Variants in PDE9A observed in about 807,000 individuals in gnomAD.
PDE9A encodes the protein phosphodiesterase 9A.
In PDE9A, 60 loss-of-function variants were observed where a neutral mutation model predicts 87.4. The observed-to-expected ratio is 0.69, with a 90% CI of 0.56 to 0.85. The LOEUF is 0.85. Ranked by LOEUF, PDE9A falls within the 40% of genes least tolerant of loss-of-function variation. The pLI, the probability that PDE9A is intolerant of heterozygous loss-of-function variation, is 0.00. For missense variants in PDE9A, 665 were observed against 779.0 expected (o/e 0.85, Z 1.74); for synonymous variants, 272 against 279.4 (o/e 0.97, Z 0.27).
rs2055360192 is a variant in PDE9A at position 42,758,866 on chromosome 21, T to C, written c.811-133T>C. The stretch of plus-strand genomic sequence containing the variant: ...GACCAGGCTTTGCTCTCCAGGGACT[T>C]TCTGGGAGGGGGAGAACCCACCTCC... On this transcript the variant is annotated intron_variant, in intron 10 of 19. Transcript: ENST00000291539. 4.7e-6 allele frequency: 3 copies of C among 638,132 alleles called. No homozygotes were observed. The South Asian group carries it at 5.4e-5, about 12-fold the overall frequency. The allele number at this position is 638,132 out of a possible 1,614,324, so 39.5% of individuals were successfully genotyped here. A position where few individuals can be genotyped will look rare whatever the true frequency, so the allele number is the denominator to read the frequency against.
At position 42,713,206 on chromosome 21, in the gene PDE9A, C is replaced by T. The variant is rs368840008; in HGVS notation, c.262+14195C>T. On this transcript the variant is annotated intron_variant, in intron 4 of 19. Transcript: ENST00000291539. The stretch of plus-strand genomic sequence containing the variant: ...CTGGAGTGCAGTGCTGCCATCTCGG[C>T]TCACTGCAACCTCCGCCTCCAGGCT... Among the ~76,000 whole-genome samples the T allele has an allele frequency of 1.2e-4, 19 of 152,272 alleles. No individual in the cohort carries two copies. The South Asian group carries it at 1.9e-3, about 15-fold the overall frequency.
At chr21:42,768,816 C>G in intron 16 of PDE9A, 1 of 985,482 alleles carries the variant, frequency 1.0e-6, no homozygotes, top group Non-Finnish European at 1.2e-6. Context: ...CTGCCTATCT[C>G]TCAGGTCGGT....
intron 17 of PDE9A, among the ~76,000 whole-genome samples, chr21:42,769,697 C>T (rs1236863038): frequency 6.6e-6 from 1 of 151,992 alleles, no homozygotes; most frequent in Non-Finnish European, 1.5e-5. Context: ...CACACATACA[C>T]ACATGCACAC....
At chr21:42,718,552 C>G (rs1602246294) in intron 4 of PDE9A, among the ~76,000 whole-genome samples, 1 of 151,672 alleles carries the variant, frequency 6.6e-6, no homozygotes, top group South Asian at 2.1e-4. Flanking sequence ...CTCCAGACTT[C>G]TGTAAGTTGA....
chr21:42,705,539 C>T lies in PDE9A; in HGVS notation c.262+6528C>T, dbSNP rs971713180. On this transcript the variant is annotated intron_variant, in intron 4 of 19. Coordinates refer to ENST00000291539, the MANE Select transcript of PDE9A (RefSeq NM_002606.3). This position sits in a 1 kb window ranked among gnomAD's most constrained non-coding sequence, Gnocchi z 4.3. Reference sequence around the variant, plus strand: ...CAGGGCCTCCCTCAGCGTGGCAGATCGCGTGGGTCCATGGGTCCGTGTGAT... The same window carrying T: ...CAGGGCCTCCCTCAGCGTGGCAGATTGCGTGGGTCCATGGGTCCGTGTGAT... 6.6e-6 allele frequency among the ~76,000 whole-genome samples: 1 copy of T among 152,066 alleles called. No individual in the cohort carries two copies. The highest frequency in any genetic ancestry group is 1.5e-5 in the Non-Finnish European group (1 of 68,022).
intron 15 of PDE9A, among the ~76,000 whole-genome samples, chr21:42,767,240 T>G (rs2056501911): frequency 6.6e-6 from 1 of 151,870 alleles, no homozygotes. Context: ...GTGGGAGGTG[T>G]GAGGTGCAGG....
chr21:42,764,614 C>G (rs1179757340), intron 14 of PDE9A, among the ~76,000 whole-genome samples: 1 of 152,246 alleles, frequency 6.6e-6, no homozygotes, highest in Non-Finnish European at 1.5e-5. Context: ...GGATCGTTCT[C>G]GTGCCCATCC....
At chr21:42,663,439 G>A (rs1303287115) in intron 1 of PDE9A, among the ~76,000 whole-genome samples, 1 of 152,238 alleles carries the variant, frequency 6.6e-6, no homozygotes, top group Non-Finnish European at 1.5e-5. Flanking sequence ...CAGCTCGGAG[G>A]GAGGGCAGAA....
rs773704227 is a variant in PDE9A, at chr21:42,775,338, C to T, written c.*45C>T. 2.5e-6 allele frequency: 4 copies of T among 1,598,490 alleles called. No homozygotes were observed. The South Asian group carries it at 4.5e-5, about 18-fold the overall frequency. On this transcript the variant is annotated 3_prime_UTR_variant, in exon 20 of 20. Transcript: ENST00000291539. ...TGCAGTTCTGGACGGGCTGGCCGAGCTGCGCGGGATCCTTGTGCAGGGAAG... is the reference window on the plus strand; with the variant it reads ...TGCAGTTCTGGACGGGCTGGCCGAGTTGCGCGGGATCCTTGTGCAGGGAAG...
chr21:42,725,322 C>T (rs1230378444), intron 4 of PDE9A, among the ~76,000 whole-genome samples: 2 of 152,186 alleles, frequency 1.3e-5, no homozygotes, highest in African/African-American at 4.8e-5. Flanking sequence ...ACCCCACAAC[C>T]TCCGCCTCCA....
In PDE9A at chr21:42,660,585, T is replaced by G. The variant is rs2057407792; in HGVS notation, c.69+6702T>G. On this transcript the variant is annotated intron_variant, in intron 1 of 19. Coordinates refer to ENST00000291539, the MANE Select transcript of PDE9A (RefSeq NM_002606.3). The surrounding 1 kb of genome is among the most constrained non-coding windows in gnomAD (Gnocchi z 4.7). ...AAATCACCACTAAAGAACTTACCCA[T>G]GTAACCAAACACCACCCCTTCCCCA... is the stretch of plus-strand genomic sequence containing the variant. Among the ~76,000 whole-genome samples, 1 of 148,740 alleles carries G rather than the reference T, an allele frequency of 6.7e-6. No individual in the cohort carries two copies. Among genetic ancestry groups the G allele is most frequent in the Non-Finnish European group, 1.5e-5 (1 of 67,372 alleles).
intron 3 of PDE9A, chr21:42,689,737 C>T (rs1401030651): frequency 1.0e-6 from 1 of 985,302 alleles, no homozygotes; most frequent in Non-Finnish European, 1.2e-6. Context: ...CCTCCTGAGC[C>T]CAAAGAGCCC....
intron 3 of PDE9A, among the ~76,000 whole-genome samples, chr21:42,697,002 C>T (rs1401507564): frequency 2.0e-5 from 3 of 152,222 alleles, no homozygotes; most frequent in Non-Finnish European, 4.4e-5. Flanking sequence ...TGACCCACCA[C>T]TAAAAGGCCT....
At position 42,761,698 on chromosome 21, in the gene PDE9A, C is replaced by T. The variant is rs79044300; in HGVS notation, c.1086-385C>T. On this transcript the variant is annotated intron_variant, in intron 13 of 19. Transcript: ENST00000291539. Reference sequence around the variant, plus strand: ...TTGCTCATTTCACACTCACAGTGGCCGGCACAGCACAGGTCAGCAGAGGCC... The same window carrying T: ...TTGCTCATTTCACACTCACAGTGGCTGGCACAGCACAGGTCAGCAGAGGCC... 3.8e-3 allele frequency among the ~76,000 whole-genome samples: 577 copies of T among 152,292 alleles called. 1 individual carries two copies. Among genetic ancestry groups the T allele is most frequent in the African/African-American group, 0.012 (507 of 41,562 alleles).
At chr21:42,772,135 A>G (rs1356757516) in intron 18 of PDE9A, among the ~76,000 whole-genome samples, 3 of 152,220 alleles carry the variant, frequency 2.0e-5, no homozygotes, top group Non-Finnish European at 4.4e-5. Flanking sequence ...GACACGCCAA[A>G]GAGGTGAAAA....
intron 4 of PDE9A, among the ~76,000 whole-genome samples, chr21:42,717,252 G>T (rs902922686): frequency 1.4e-5 from 2 of 146,072 alleles, no homozygotes; most frequent in Admixed American, 1.4e-4. Flanking sequence ...GTGCATATCT[G>T]CTAGTAACTA....
At chr21:42,713,431 G>T (rs939386634) in intron 4 of PDE9A, among the ~76,000 whole-genome samples, 1 of 152,240 alleles carries the variant, frequency 6.6e-6, no homozygotes, top group Non-Finnish European at 1.5e-5. Flanking sequence ...ACAGCACCTG[G>T]CCGCTTTTCA....
At chr21:42,662,769 GAC>G (rs1449791673) in intron 1 of PDE9A, among the ~76,000 whole-genome samples, 1 of 82,334 alleles carries the variant, frequency 1.2e-5, no homozygotes, top group East Asian at 4.2e-4. Context: ...CACACACAAG[GAC>G]ACACACCACA....
At chr21:42,773,973 T>C (rs7279035) in intron 19 of PDE9A, among the ~76,000 whole-genome samples, 92,177 of 150,306 alleles carry the variant, frequency 0.61, 28,835 homozygotes, top group African/African-American at 0.75. Context: ...GGCGTGGTGG[T>C]GGGTGCCTGT....
Sources: allele counts gnomAD v4.1 joint callset (sites outside exome capture counted in the v4.1 genomes callset), GRCh38; gene constraint gnomAD v4.1.1; non-coding constraint Gnocchi (gnomAD v3.1); transcripts MANE v1.5; gene names NCBI Gene and HGNC (gene_info 2026-07-23, HGNC 2026-07-21).